GPAT3: variants seen among roughly 807,000 people sequenced by gnomAD.
GPAT3 encodes the protein 1-AGP acyltransferase 9.
Under a neutral mutation model 58.8 loss-of-function variants are expected in GPAT3, and 53 were observed. The ratio of observed to expected loss-of-function variants is 0.90; its 90% confidence interval spans 0.72 to 1.13. The LOEUF (loss-of-function observed/expected upper bound fraction) is 1.13. Among genes scored for constraint, GPAT3 ranks in the 50% most tolerant of loss-of-function variants. GPAT3 has a pLI of 0.00. For missense variants in GPAT3, 511 were observed against 527.6 expected (o/e 0.97, Z 0.31); for synonymous variants, 197 against 187.4 (o/e 1.05, Z -0.42).
intron 2 of GPAT3, among the ~76,000 whole-genome samples, chr4:83,564,382 T>A (rs1451224640): frequency 1.3e-5 from 2 of 152,156 alleles, no homozygotes; most frequent in South Asian, 2.1e-4. Context: ...ATCCTGTTTG[T>A]TTTCTAGGAC....
chr4:83,563,868 T>C (rs1725281030), intron 2 of GPAT3, among the ~76,000 whole-genome samples: 2 of 152,234 alleles, frequency 1.3e-5, no homozygotes, highest in South Asian at 4.1e-4. Flanking sequence ...ACTTATAATA[T>C]ATCCCATAAA....
At chr4:83,603,730 C>T (rs547593837) in intron 11 of GPAT3, among the ~76,000 whole-genome samples, 3 of 143,834 alleles carry the variant, frequency 2.1e-5, no homozygotes, top group Admixed American at 1.4e-4. Flanking sequence ...GTGGAGGTTG[C>T]GGTGAGCCAA....
rs1727214247 is a variant in GPAT3 at position 83,605,336 on chromosome 4, T to C, written c.*569T>C. 6.6e-6 allele frequency: 1 copy of C among 152,316 alleles called. No individual in the cohort carries two copies. Among genetic ancestry groups the C allele is most frequent in the Non-Finnish European group, 1.5e-5 (1 of 68,128 alleles). 9.4% of individuals were successfully genotyped at this position (152,316 alleles called of 1,614,324 possible). ...TTAGTGTGTTGGAAGAGAAATACTATTCAGTAAGCTTCGCCAAAGAAAAGT... is the reference window on the plus strand; with the variant it reads ...TTAGTGTGTTGGAAGAGAAATACTACTCAGTAAGCTTCGCCAAAGAAAAGT... On this transcript the variant is annotated 3_prime_UTR_variant, in exon 12 of 12. Coordinates refer to ENST00000264409, the MANE Select transcript of GPAT3 (RefSeq NM_032717.5).
At chr4:83,570,471 C>CTTT (rs11417042) in intron 2 of GPAT3, among the ~76,000 whole-genome samples, 13 of 126,656 alleles carry the variant, frequency 1.0e-4, no homozygotes, top group African/African-American at 3.1e-4. Flanking sequence ...TGGGAGAACT[C>CTTT]TTTTTTTTTT....
At chr4:83,550,777 G>A (rs889795026) in intron 2 of GPAT3, among the ~76,000 whole-genome samples, 5 of 151,998 alleles carry the variant, frequency 3.3e-5, no homozygotes, top group Non-Finnish European at 5.9e-5. Flanking sequence ...TTAATTTTTT[G>A]CAGTGCTTTA....
intron 5 of GPAT3, among the ~76,000 whole-genome samples, chr4:83,589,764 G>A (rs1480450382): frequency 6.6e-6 from 1 of 151,890 alleles, no homozygotes; most frequent in Non-Finnish European, 1.5e-5. Flanking sequence ...TTTAAAGATG[G>A]GCCCGTGTAC....
Position 83,549,543 on chromosome 4 carries a change from A to T in GPAT3, c.208+4941A>T, listed in dbSNP as rs974152994. ...TTAATACATAATATATATTATTATT[A>T]TTTTTTTAAGACAGGGTCTCACTCT... On this transcript the variant is annotated intron_variant, in intron 2 of 11. Transcript: ENST00000264409. Among the ~76,000 whole-genome samples the T allele has an allele frequency of 6.7e-5, 10 of 148,458 alleles. No homozygotes were observed. In the East Asian group the frequency reaches 9.8e-4, roughly 14 times the overall value.
At chr4:83,546,379 GTTTTT>G (rs373055285) in intron 2 of GPAT3, among the ~76,000 whole-genome samples, 1 of 136,126 alleles carries the variant, frequency 7.3e-6, no homozygotes, top group Non-Finnish European at 1.6e-5. Flanking sequence ...CGTGGATTTA[GTTTTT>G]TTTTTTTTTT....
chr4:83,578,974 T>TTCTTTCTC (rs1725943686), intron 2 of GPAT3, among the ~76,000 whole-genome samples: 25 of 133,112 alleles, frequency 1.9e-4, no homozygotes, highest in Non-Finnish European at 2.9e-4. Flanking sequence ...CTTTCTTTCT[T>TTCTTTCTC]TCTTTCTTTC....
At chr4:83,545,589 T>G (rs572016913) in intron 2 of GPAT3, among the ~76,000 whole-genome samples, 174 of 152,380 alleles carry the variant, frequency 1.1e-3, no homozygotes, top group African/African-American at 4.1e-3. Flanking sequence ...AGTATTTTTG[T>G]ATAATTGGAT....
At position 83,536,379 on chromosome 4, in the gene GPAT3, C is replaced by T; in HGVS notation, c.-244C>T. ...AGGTCTCCGCACGCCGCGGTGGCTTCAGCCCAGACCTGGGCAGCCAGCGGA... is the reference window on the plus strand; with the variant it reads ...AGGTCTCCGCACGCCGCGGTGGCTTTAGCCCAGACCTGGGCAGCCAGCGGA... On this transcript the variant is annotated 5_prime_UTR_variant, in exon 1 of 12. Transcript: ENST00000264409. 1 of 1,264,506 alleles carries T rather than the reference C, an allele frequency of 7.9e-7. No individual in the cohort carries two copies. Among genetic ancestry groups the T allele is most frequent in the Non-Finnish European group, 1.0e-6 (1 of 1,002,230 alleles). 78.3% of individuals were successfully genotyped at this position (1,264,506 alleles called of 1,614,324 possible). A position where few individuals can be genotyped will look rare whatever the true frequency, so the allele number is the denominator to read the frequency against.
At chr4:83,584,459 G>T (rs1726290002) in intron 3 of GPAT3, among the ~76,000 whole-genome samples, 1 of 152,146 alleles carries the variant, frequency 6.6e-6, no homozygotes, top group South Asian at 2.1e-4. Flanking sequence ...GATACAATGT[G>T]GTGATGGTTG....
At chr4:83,598,856 C>A (rs1726953380) in intron 11 of GPAT3, 133 bp downstream of exon 11, 3 of 631,036 alleles carry the variant, frequency 4.8e-6, no homozygotes, top group South Asian at 2.4e-5. Context: ...GTAGCCTGAT[C>A]ATAGTTCACT....
intron 1 of GPAT3, among the ~76,000 whole-genome samples, chr4:83,537,383 G>A (rs1214861725): frequency 3.3e-5 from 5 of 152,112 alleles, no homozygotes; most frequent in African/African-American, 1.2e-4. Context: ...AAAGAAAAAT[G>A]TTAGATGGAA....
At chr4:83,598,214 G>T (rs1488636768) in intron 10 of GPAT3, 35 bp downstream of exon 10, 1 of 1,590,142 alleles carries the variant, frequency 6.3e-7, no homozygotes. Context: ...TAATCAGGTA[G>T]AGGCAAGGAG....
At chr4:83,582,743 G>A (rs944378657) in intron 3 of GPAT3, among the ~76,000 whole-genome samples, 3 of 152,004 alleles carry the variant, frequency 2.0e-5, no homozygotes, top group South Asian at 2.1e-4. Flanking sequence ...TAACTACAGG[G>A]AAATGCAGAT....
intron 2 of GPAT3, among the ~76,000 whole-genome samples, chr4:83,579,030 CTTT>C (rs1321130680): frequency 0.074 from 1,679 of 22,708 alleles, 251 homozygotes; most frequent in Middle Eastern, 0.12. Context: ...TTCTTTCTTT[CTTT>C]CTTTCTTTCT....
At chr4:83,590,098 T>G in intron 5 of GPAT3, 101 bp from the exon 6 acceptor site, 1 of 1,047,416 alleles carries the variant, frequency 9.5e-7, no homozygotes, top group Non-Finnish European at 1.4e-6. Flanking sequence ...AAAAAAAAAA[T>G]TACATATATA....
chr4:83,588,214 A>G lies in GPAT3; in HGVS notation c.559A>G (p.Lys187Glu), dbSNP rs140308062. Residue 187 changes from lysine to glutamate, a missense_variant, in exon 5 of 12, where the codon AAA (lysine) becomes GAA (glutamate). Transcript: ENST00000264409. The stretch of plus-strand genomic sequence containing the variant: ...AAATGTTTCTATTTCCTTCAGCCTC[A>G]AAAACTGGCTGAGTGAACTGGTCCA... ...LVGQLPDSSLKNWLSELVHLT... is the reference protein window; with the variant it reads ...LVGQLPDSSLENWLSELVHLT... The G allele has an allele frequency of 1.6e-3, 2,631 of 1,613,662 alleles. 6 individuals carry two copies. The highest frequency in any genetic ancestry group is 2.1e-3 in the Non-Finnish European group (2,497 of 1,179,686).
Sources: allele counts gnomAD v4.1 joint callset (sites outside exome capture counted in the v4.1 genomes callset), GRCh38; gene constraint gnomAD v4.1.1; transcripts MANE v1.5; gene names NCBI Gene and HGNC (gene_info 2026-07-23, HGNC 2026-07-21).